Variants in SLC5A4 observed in about 807,000 individuals in gnomAD.
The protein encoded by SLC5A4 is probable glucose sensor protein SLC5A4.
In SLC5A4, 55 loss-of-function variants were observed where a neutral mutation model predicts 70.3. The ratio of observed to expected loss-of-function variants is 0.78; its 90% confidence interval spans 0.63 to 0.98. The LOEUF is 0.98. Ranked by LOEUF, SLC5A4 falls within the 50% of genes least tolerant of loss-of-function variation. SLC5A4 has a pLI of 0.00. For synonymous variants in SLC5A4, 268 were observed against 305.7 expected, an observed-to-expected ratio of 0.88 and a Z score of 1.29; for missense variants, 735 against 839.2, an observed-to-expected ratio of 0.88 and a Z score of 1.53.
At chr22:32,242,118 T>C (rs1430613370) in intron 5 of SLC5A4, among the ~76,000 whole-genome samples, 1 of 152,148 alleles carries the variant, frequency 6.6e-6, no homozygotes, top group Non-Finnish European at 1.5e-5. Flanking sequence ...TACATGTGTG[T>C]ATGTATGCAT....
At chr22:32,279,353 G>A in the SLC5A4 span, among the ~76,000 whole-genome samples, 3 of 152,250 alleles carry the variant, frequency 2.0e-5, no homozygotes, top group Non-Finnish European at 4.4e-5. Flanking sequence ...TATGCCCTGT[G>A]CTTAGCAGTA....
the SLC5A4 span, among the ~76,000 whole-genome samples, chr22:32,277,905 T>C: frequency 6.6e-6 from 1 of 152,202 alleles, no homozygotes; most frequent in Non-Finnish European, 1.5e-5. Flanking sequence ...AAAGAAAGTC[T>C]ATCTTAAAAT....
chr22:32,288,949 T>C, the SLC5A4 span, among the ~76,000 whole-genome samples: 2 of 152,336 alleles, frequency 1.3e-5, no homozygotes, highest in South Asian at 4.1e-4. Context: ...CTTATACCTT[T>C]TTTTTCTTGT....
chr22:32,254,268 C>T (rs1349364212), intron 1 of SLC5A4, 55 bp from the exon 2 acceptor site: 26 of 1,329,414 alleles, frequency 2.0e-5, no homozygotes, highest in Non-Finnish European at 2.6e-5. Context: ...CACCCAGACA[C>T]CCCAGAGGCT....
At chr22:32,330,054 GGGCTCTAGAGTGTGTGTGTTGGA>G in the SLC5A4 span, among the ~76,000 whole-genome samples, 1 of 67,662 alleles carries the variant, frequency 1.5e-5, no homozygotes, top group Non-Finnish European at 3.0e-5. Context: ...TGTGTGTTGG[GGGCTCTAGAGTGTGTGTGTTGGA>G]GGCTCTGGTG....
At position 32,234,959 on chromosome 22, in the gene SLC5A4, G is replaced by A. The variant is rs76877500; in HGVS notation, c.799C>T (p.Arg267Ter). Residue 267 changes from arginine (R) to a stop codon, truncating the protein, a stop_gained, in exon 8 of 15, where the codon CGA becomes TGA. Transcript: ENST00000266086. LOFTEE classifies it high-confidence loss of function. ...TPRADSFHIF[R>*]DAVTGDIPWP... ...GGAATGTCCCCAGTCACAGCATCTCGGAAGATGTGGAAGGAGTCCGCCCGA... is the reference window on the plus strand; with the variant it reads ...GGAATGTCCCCAGTCACAGCATCTCAGAAGATGTGGAAGGAGTCCGCCCGA... The A allele has an allele frequency of 1.3e-3, 2,044 of 1,613,092 alleles. 23 individuals carry two copies. In the South Asian group the frequency reaches 0.014, roughly 11 times the overall value.
At chr22:32,283,745 AC>A in the SLC5A4 span, among the ~76,000 whole-genome samples, 410 of 152,322 alleles carry the variant, frequency 2.7e-3, 4 homozygotes, top group African/African-American at 9.4e-3. Flanking sequence ...AATAACATGT[AC>A]TTAATTGGAA....
chr22:32,252,007 A>G (rs1603236526), intron 2 of SLC5A4, 133 bp from the exon 3 acceptor site: 5 of 615,838 alleles, frequency 8.1e-6, no homozygotes, highest in Non-Finnish European at 1.5e-5. Flanking sequence ...AGGCGGGTGG[A>G]TCACAAGGTC....
At chr22:32,229,120 A>G (rs1704856938) in intron 11 of SLC5A4, 74 bp downstream of exon 11, 1 of 1,402,122 alleles carries the variant, frequency 7.1e-7, no homozygotes, top group Non-Finnish European at 9.8e-7. Flanking sequence ...AAAGCCAAAG[A>G]CAAGGGAACT....
the SLC5A4 span, among the ~76,000 whole-genome samples, chr22:32,321,833 G>A: frequency 6.6e-6 from 1 of 152,182 alleles, no homozygotes; most frequent in African/African-American, 2.4e-5. Flanking sequence ...ATTCCATGGT[G>A]CCTATACAGT....
chr22:32,346,151 C>T, the SLC5A4 span, among the ~76,000 whole-genome samples: 1 of 152,142 alleles, frequency 6.6e-6, no homozygotes, highest in Non-Finnish European at 1.5e-5. Flanking sequence ...CTGCGGCTTA[C>T]AATACTGAAG....
intron 5 of SLC5A4, among the ~76,000 whole-genome samples, chr22:32,241,875 G>C (rs1926549968): frequency 6.6e-6 from 1 of 150,854 alleles, no homozygotes; most frequent in African/African-American, 2.4e-5. Context: ...ATATATGTGT[G>C]TATATATATA....
chr22:32,326,669 C>T, the SLC5A4 span, among the ~76,000 whole-genome samples: 31,052 of 152,002 alleles, frequency 0.2, 3,622 homozygotes, highest in African/African-American at 0.32. Context: ...GGAACCTATT[C>T]GGGGCAAGAT....
At chr22:32,223,442 T>C (rs1291794294) in intron 13 of SLC5A4, among the ~76,000 whole-genome samples, 1 of 152,184 alleles carries the variant, frequency 6.6e-6, no homozygotes, top group Non-Finnish European at 1.5e-5. Flanking sequence ...AACACTAATA[T>C]CAACCACTAA....
chr22:32,307,283 TTCA>T, the SLC5A4 span, among the ~76,000 whole-genome samples: 1,940 of 152,306 alleles, frequency 0.013, 39 homozygotes, highest in African/African-American at 0.044. Flanking sequence ...AAATCTGCTC[TTCA>T]TCAAGCATTT....
At chr22:32,324,883 C>T in the SLC5A4 span, among the ~76,000 whole-genome samples, 1 of 152,250 alleles carries the variant, frequency 6.6e-6, no homozygotes. Flanking sequence ...CATTGCACAG[C>T]CTTCTGGAAG....
intron 5 of SLC5A4, among the ~76,000 whole-genome samples, chr22:32,245,632 T>C (rs562511684): frequency 1.6e-4 from 24 of 152,342 alleles, no homozygotes; most frequent in African/African-American, 2.2e-4. Context: ...GCAATTCTCC[T>C]GCCTCAGCCT....
chr22:32,255,431 G>T (rs1569385543), upstream of SLC5A4: 1 of 1,311,174 alleles, frequency 7.6e-7, no homozygotes, highest in Non-Finnish European at 1.1e-6. Context: ...ATCAGAGCCA[G>T]CTCCTGGATA....
At chr22:32,309,683 G>T in the SLC5A4 span, among the ~76,000 whole-genome samples, 1 of 152,028 alleles carries the variant, frequency 6.6e-6, no homozygotes, top group East Asian at 1.9e-4. Flanking sequence ...TCCACACCGA[G>T]TGTTCACACC....
Sources: allele counts gnomAD v4.1 joint callset (sites outside exome capture counted in the v4.1 genomes callset), GRCh38; gene constraint gnomAD v4.1.1; transcripts MANE v1.5; gene names NCBI Gene and HGNC (gene_info 2026-07-23, HGNC 2026-07-21).